Variants in FER1L6 observed in about 807,000 individuals in gnomAD.
The protein encoded by FER1L6 is fer-1 like family member 6.
Under a neutral mutation model 219.2 loss-of-function variants are expected in FER1L6, and 177 were observed. That is an observed-to-expected ratio of 0.81 (90% CI 0.71 to 0.91). The LOEUF is 0.91. FER1L6 is among the 40% of genes least tolerant of loss of function. The probability of loss-of-function intolerance (pLI) is 0.00; values close to 1 mark genes in which losing one functional copy is unlikely to be tolerated. For synonymous variants in FER1L6, 768 were observed against 824.3 expected (o/e 0.93, Z 1.17); for missense variants, 2,153 against 2,259.9 (o/e 0.95, Z 0.96).
chr8:124,088,277 A>G (rs533179690), intron 33 of FER1L6, among the ~76,000 whole-genome samples: 1 of 152,082 alleles, frequency 6.6e-6, no homozygotes, highest in African/African-American at 2.4e-5. Context: ...CCTTTCCTCA[A>G]GCAGAGGGGT....
intron 2 of FER1L6, among the ~76,000 whole-genome samples, chr8:123,961,115 A>G (rs1416906637): frequency 6.6e-6 from 1 of 152,002 alleles, no homozygotes; most frequent in African/African-American, 2.4e-5. Flanking sequence ...GAAAAAATTC[A>G]CCGGTTGTGG....
At position 123,966,170 on chromosome 8, in the gene FER1L6, C is replaced by T. The variant is rs772895193; in HGVS notation, c.264C>T (p.Thr88=). The T allele has an allele frequency of 6.2e-7, 1 of 1,614,026 alleles. No homozygotes were observed. The change falls in exon 5 of 41, where the codon ACC becomes ACT. Residue 88 remains threonine (T), a synonymous_variant. Transcript: ENST00000522917. ...VRSQNYQIAI[T]ITEARQLVGE... Reference sequence around the variant, plus strand: ...GCTTTGTGTTGCAGATTGCCATAACCATCACCGAGGCTCGCCAGCTGGTGG... The same window carrying T: ...GCTTTGTGTTGCAGATTGCCATAACTATCACCGAGGCTCGCCAGCTGGTGG...
chr8:124,047,151 C>T (rs1460198408), intron 21 of FER1L6, among the ~76,000 whole-genome samples: 1 of 152,048 alleles, frequency 6.6e-6, no homozygotes, highest in Non-Finnish European at 1.5e-5. Flanking sequence ...TCTTTGAACA[C>T]TCTACTAGGA....
In FER1L6 at chr8:124,003,451, C is replaced by CTTTTT. The variant is rs71289633; in HGVS notation, c.1700+130_1700+134dup. ...GTTCTTCACTAAAATCAGAAATGTCCTTTTTTTTTTTTTTTTTTTTTTTTT... is the reference window on the plus strand; with the variant it reads ...GTTCTTCACTAAAATCAGAAATGTCCTTTTTTTTTTTTTTTTTTTTTTTTTTTTTT... On this transcript the variant is annotated intron_variant, in intron 13 of 40. Transcript: ENST00000522917. The CTTTTT allele has an allele frequency of 2.2e-4, 25 of 111,792 alleles. 1 individual carries two copies. The highest frequency in any genetic ancestry group is 3.1e-4 in the Admixed American group (2 of 6,556). 6.9% of individuals were successfully genotyped at this position (111,792 alleles called of 1,614,324 possible).
chr8:124,071,913 A>T (rs2130873935), intron 31 of FER1L6, among the ~76,000 whole-genome samples: 1 of 152,140 alleles, frequency 6.6e-6, no homozygotes, highest in South Asian at 2.1e-4. Flanking sequence ...TTTTCCTATA[A>T]AGACACTAGC....
chr8:124,001,162 A>G (rs141582753), intron 12 of FER1L6, among the ~76,000 whole-genome samples: 1 of 152,350 alleles, frequency 6.6e-6, no homozygotes, highest in Non-Finnish European at 1.5e-5. Context: ...ACAGGGAGGT[A>G]GTGAGCTGCA....
chr8:123,970,977 G>C (rs1488839467), intron 6 of FER1L6, among the ~76,000 whole-genome samples: 1 of 152,186 alleles, frequency 6.6e-6, no homozygotes, highest in Non-Finnish European at 1.5e-5. Context: ...TGGAGAGTAA[G>C]TTTCTCTCTT....
intron 15 of FER1L6, among the ~76,000 whole-genome samples, chr8:124,016,726 T>G (rs938628799): frequency 9.9e-5 from 15 of 152,212 alleles, no homozygotes; most frequent in Non-Finnish European, 1.9e-4. Context: ...AATATTCAAT[T>G]GCATGTATGT....
intron 1 of FER1L6, among the ~76,000 whole-genome samples, chr8:123,861,341 A>T (rs1816741830): frequency 6.8e-6 from 1 of 146,100 alleles, no homozygotes; most frequent in Non-Finnish European, 1.5e-5. Flanking sequence ...ATTGATCTAT[A>T]TCTCTGTTTT....
At chr8:124,031,334 T>C (rs572230910) in intron 18 of FER1L6, among the ~76,000 whole-genome samples, 2 of 152,364 alleles carry the variant, frequency 1.3e-5, no homozygotes, top group Non-Finnish European at 2.9e-5. Flanking sequence ...TCCATTTTTA[T>C]GCTTAGGTTC....
At chr8:123,939,142 G>A in intron 1 of FER1L6, 1 of 984,976 alleles carries the variant, frequency 1.0e-6, no homozygotes, top group South Asian at 4.7e-5. Flanking sequence ...GGGCTTGGCA[G>A]CATTTCTCAA....
At chr8:123,962,182 C>T (rs1370674991) in intron 2 of FER1L6, among the ~76,000 whole-genome samples, 1 of 152,158 alleles carries the variant, frequency 6.6e-6, no homozygotes, top group Non-Finnish European at 1.5e-5. Flanking sequence ...AACCACTGTG[C>T]CCAGCCTGTC....
At chr8:123,980,089 A>G (rs989008907) in intron 10 of FER1L6, among the ~76,000 whole-genome samples, 1 of 152,174 alleles carries the variant, frequency 6.6e-6, no homozygotes, top group African/African-American at 2.4e-5. Flanking sequence ...TGCACTGTAA[A>G]TATTTATTTG....
chr8:124,027,507 C>T (rs1191130584), intron 18 of FER1L6, among the ~76,000 whole-genome samples: 1 of 152,148 alleles, frequency 6.6e-6, no homozygotes. Context: ...TTTTGTCCCC[C>T]TCATATCCAG....
chr8:124,053,982 C>T (rs113206686), intron 22 of FER1L6, among the ~76,000 whole-genome samples: 2 of 152,200 alleles, frequency 1.3e-5, no homozygotes, highest in African/African-American at 4.8e-5. Context: ...CTCATAGCCC[C>T]GTTGTTCTCC....
intron 2 of FER1L6, among the ~76,000 whole-genome samples, chr8:123,960,491 G>T (rs1815222008): frequency 6.6e-6 from 1 of 152,110 alleles, no homozygotes; most frequent in South Asian, 2.1e-4. Context: ...GTTTCATAGG[G>T]CTTCCCAGGA....
At chr8:123,986,703 C>G (rs1220929804) in intron 12 of FER1L6, among the ~76,000 whole-genome samples, 1 of 152,168 alleles carries the variant, frequency 6.6e-6, no homozygotes, top group Non-Finnish European at 1.5e-5. Flanking sequence ...ATTTCACTCT[C>G]TATCTCAATG....
At chr8:124,034,458 T>C (rs1390379437) in intron 18 of FER1L6, among the ~76,000 whole-genome samples, 2 of 152,216 alleles carry the variant, frequency 1.3e-5, no homozygotes, top group Non-Finnish European at 2.9e-5. Flanking sequence ...CATAAGTACA[T>C]GCACACACAG....
rs1315109039 is a variant in FER1L6, at chr8:123,856,304, A to ATGTG, written c.-8+4120_-8+4121insGTGT. Among the ~76,000 whole-genome samples, 3 of 60,430 alleles carry ATGTG rather than the reference A, an allele frequency of 5.0e-5. 1 individual carries two copies. The highest frequency in any genetic ancestry group is 1.0e-4 in the Non-Finnish European group (3 of 29,168). 39.6% of individuals were successfully genotyped at this position (60,430 alleles called of 152,430 possible). On this transcript the variant is annotated intron_variant, in intron 1 of 40. Coordinates refer to ENST00000522917, the MANE Select transcript of FER1L6 (RefSeq NM_001039112.2). ...TATATGTGTGTGTGTATATATATAT[A>ATGTG]TATATGTATGTGTATATATATATAT...
Sources: allele counts gnomAD v4.1 joint callset (sites outside exome capture counted in the v4.1 genomes callset), GRCh38; gene constraint gnomAD v4.1.1; transcripts MANE v1.5; gene names NCBI Gene and HGNC (gene_info 2026-07-23, HGNC 2026-07-21).